The following BTBD18 variants were observed in gnomAD, a reference collection of about 807,000 sequenced individuals.
BTBD18 encodes BTB/POZ domain-containing protein 18.
For missense variants in BTBD18, 787 were observed against 846.3 expected, an observed-to-expected ratio of 0.93 and a Z score of 0.87; for synonymous variants, 311 against 324.4, an observed-to-expected ratio of 0.96 and a Z score of 0.44.
At chr11:57,751,274 A>C (rs1437833361) in intron 1 of BTBD18, 38 bp from the exon 2 acceptor site, 4 of 1,139,618 alleles carry the variant, frequency 3.5e-6, no homozygotes, top group Admixed American at 4.0e-5. Context: ...GCATGGTTAC[A>C]TCTAATTTGT....
In BTBD18 at chr11:57,751,176, C is replaced by A. The variant is rs1479721700; in HGVS notation, c.13G>T (p.Ala5Ser). 1 of 1,541,728 alleles carries A rather than the reference C, an allele frequency of 6.5e-7. No homozygotes were observed. The highest frequency in any genetic ancestry group is 2.5e-5 in the East Asian group (1 of 40,518). Residue 5 changes from alanine to serine, a missense_variant, in exon 2 of 3, where the codon GCC becomes TCC. Coordinates refer to ENST00000422652, the MANE Select transcript of BTBD18 (RefSeq NM_001145101.3). MCSP[A>S]SPKILYRNPR... The stretch of plus-strand genomic sequence containing the variant: ...TTCCTGTATAGGATTTTGGGACTGG[C>A]AGGAGAGCACATGTTGGCAAGAGTC...
chr11:57,744,615 T>C lies in BTBD18; in HGVS notation c.1658A>G (p.Glu553Gly), dbSNP rs1219373480. The change falls in exon 3 of 3, where the codon GAG becomes GGG. Residue 553 changes from glutamate to glycine, a missense_variant. Glu to Gly is a moderately conservative substitution (Grantham distance 98). Transcript: ENST00000422652. ...CLPDMELWPR[E>G]LTELEKEPAG... ...AGGTTCCTTTTCCAATTCTGTGAGCTCCCTGGGCCAGAGTTCCATGTCTGG... is the reference window on the plus strand; with the variant it reads ...AGGTTCCTTTTCCAATTCTGTGAGCCCCCTGGGCCAGAGTTCCATGTCTGG... 4 of 1,551,668 alleles carry C rather than the reference T, an allele frequency of 2.6e-6. No individual in the cohort carries two copies. Among genetic ancestry groups the C allele is most frequent in the Admixed American group, 2.0e-5 (1 of 51,000 alleles).
chr11:57,744,612 A>C lies in BTBD18; in HGVS notation c.1661T>G (p.Leu554Arg). The C allele has an allele frequency of 6.4e-7, 1 of 1,551,580 alleles. No homozygotes were observed. Among genetic ancestry groups the C allele is most frequent in the Non-Finnish European group, 8.7e-7 (1 of 1,146,974 alleles). ...LPDMELWPRE[L>R]TELEKEPAGE... The stretch of plus-strand genomic sequence containing the variant: ...AGCAGGTTCCTTTTCCAATTCTGTG[A>C]GCTCCCTGGGCCAGAGTTCCATGTC... Residue 554 changes from leucine (L) to arginine (R), a missense_variant, in exon 3 of 3, where the codon CTC (leucine) becomes CGC (arginine). Physicochemically the swap from Leu to Arg is moderately radical, Grantham distance 102 (BLOSUM62 -2). Transcript: ENST00000422652.
chr11:57,746,265 C>A, intron 2 of BTBD18, 117 bp from the exon 3 acceptor site: 3 of 769,934 alleles, frequency 3.9e-6, no homozygotes, highest in Non-Finnish European at 5.9e-6. Flanking sequence ...CATGGGACTT[C>A]AAGTAAAAGA....
chr11:57,749,757 A>G (rs891909668), intron 2 of BTBD18, among the ~76,000 whole-genome samples: 14 of 150,982 alleles, frequency 9.3e-5, no homozygotes, highest in South Asian at 2.1e-4. Context: ...AAAAAAAAAA[A>G]AAAAAAAAAA....
rs1189607583 is a variant in BTBD18 at position 57,744,530 on chromosome 11, C to T, written c.1743G>A (p.Val581=). The change falls in exon 3 of 3, where the codon GTG becomes GTA. Residue 581 remains valine (V), a synonymous_variant. Coordinates refer to ENST00000422652, the MANE Select transcript of BTBD18 (RefSeq NM_001145101.3). ...LLSPLVMPSE[V]SEVLSVGGRW... ...GGCCTCCTACTGAAAGCACTTCACT[C>T]ACCTCAGAGGGCATGACAAGGGGGC... 4 of 1,551,646 alleles carry T rather than the reference C, an allele frequency of 2.6e-6. No individual in the cohort carries two copies. Among genetic ancestry groups the T allele is most frequent in the Non-Finnish European group, 2.6e-6 (3 of 1,146,956 alleles).
chr11:57,745,061 A>G lies in BTBD18; in HGVS notation c.1212T>C (p.Ser404=), dbSNP rs114054442. 2,279 of 1,551,650 alleles carry G rather than the reference A, an allele frequency of 1.5e-3. 46 individuals are homozygous for G. In the African/African-American group the frequency reaches 0.027, roughly 19 times the overall value. Residue 404 remains serine (S), a synonymous_variant, in exon 3 of 3, where the codon AGT becomes AGC. Coordinates refer to ENST00000422652, the MANE Select transcript of BTBD18 (RefSeq NM_001145101.3). ...QEPSGTQPFS[S]NEQEMSPTRT... ...TAGTAGGTGACATTTCCTGCTCATT[A>G]CTGGAGAATGGCTGAGTTCCTGAAG...
At chr11:57,746,609 C>T (rs1172900505) in intron 2 of BTBD18, among the ~76,000 whole-genome samples, 1 of 152,098 alleles carries the variant, frequency 6.6e-6, no homozygotes, top group Non-Finnish European at 1.5e-5. Context: ...CAGGCGTGAG[C>T]CACCGTGTCC....
intron 2 of BTBD18, 52 bp from the exon 3 acceptor site, chr11:57,746,200 G>A: frequency 7.1e-7 from 1 of 1,402,942 alleles, no homozygotes; most frequent in East Asian, 2.5e-5. Flanking sequence ...CATGTTCATG[G>A]GCTAAGCATA....
Position 57,745,412 on chromosome 11 carries a change from G to T in BTBD18, c.861C>A (p.Ser287Arg). ...GCCGGCCAGGGGTTGCAGGCACTGA[G>T]CTAGATCCACTTAAAATGCTGGAAG... ...SKPSSILSGSSSVPATPGRRL... is the reference protein window; with the variant it reads ...SKPSSILSGSRSVPATPGRRL... Residue 287 changes from serine (S) to arginine (R), a missense_variant, in exon 3 of 3, where the codon AGC becomes AGA. Transcript: ENST00000422652. 1 of 1,551,696 alleles carries T rather than the reference G, an allele frequency of 6.4e-7. No homozygotes were observed. The highest frequency in any genetic ancestry group is 8.7e-7 in the Non-Finnish European group (1 of 1,146,992).
rs117734748 is a variant in BTBD18 at position 57,744,029 on chromosome 11, C to T, written c.*105G>A. 12,509 of 822,992 alleles carry T rather than the reference C, an allele frequency of 0.015. 131 individuals are homozygous for T. Among genetic ancestry groups the T allele is most frequent in the Non-Finnish European group, 0.019 (10,220 of 527,852 alleles). 51.0% of individuals were successfully genotyped at this position (822,992 alleles called of 1,614,324 possible). On this transcript the variant is annotated 3_prime_UTR_variant, in exon 3 of 3. Coordinates refer to ENST00000422652, the MANE Select transcript of BTBD18 (RefSeq NM_001145101.3). ...GGACCTACAAAGAGCCAGGGTACAC[C>T]TGCCTCTTGTGCTGAGGGCACGTGC... is the stretch of plus-strand genomic sequence containing the variant.
Position 57,751,149 on chromosome 11 carries a change from G to T in BTBD18, c.40C>A (p.Pro14Thr). 1 of 1,550,226 alleles carries T rather than the reference G, an allele frequency of 6.5e-7. No homozygotes were observed. Residue 14 changes from proline (P) to threonine (T), a missense_variant, in exon 2 of 3, where the codon CCC becomes ACC. Transcript: ENST00000422652. Reference sequence around the variant, plus strand: ...AGAAAAGCTAACCTGAGGAACCGGGGGTTCCTGTATAGGATTTTGGGACTG... The same window carrying T: ...AGAAAAGCTAACCTGAGGAACCGGGTGTTCCTGTATAGGATTTTGGGACTG... ...PASPKILYRN[P>T]RFLRLAFLQL...
At position 57,745,439 on chromosome 11, in the gene BTBD18, C is replaced by T. The variant is rs1949171259; in HGVS notation, c.834G>A (p.Lys278=). The change falls in exon 3 of 3, where the codon AAG becomes AAA. Residue 278 remains lysine, a synonymous_variant. Coordinates refer to ENST00000422652, the MANE Select transcript of BTBD18 (RefSeq NM_001145101.3). ...TAGATCCACTTAAAATGCTGGAAGG[C>T]TTTGATGTACAGATACCAGGAGATG... The part of the protein sequence containing the change: ...SKPSPGICTS[K]PSSILSGSSS... 2 of 1,551,346 alleles carry T rather than the reference C, an allele frequency of 1.3e-6. No individual in the cohort carries two copies. The highest frequency in any genetic ancestry group is 1.7e-6 in the Non-Finnish European group (2 of 1,146,996).
chr11:57,752,086 C>A (rs1465669973), upstream of BTBD18, among the ~76,000 whole-genome samples: 4 of 152,206 alleles, frequency 2.6e-5, no homozygotes, highest in African/African-American at 9.6e-5. Flanking sequence ...ATTCTGACTT[C>A]AGGCTTATGT....
In BTBD18 at chr11:57,745,757, A is replaced by T. The variant is rs1216199761; in HGVS notation, c.516T>A (p.Thr172=). The T allele has an allele frequency of 1.9e-6, 3 of 1,551,204 alleles. No individual in the cohort carries two copies. The African/African-American group carries it at 4.1e-5, about 21-fold the overall frequency. ...HPHTPLPTNQ[T]PCPLGAIRLK... ...ATCTTATTGCCCCAAGAGGACAAGG[A>T]GTTTGATTAGTGGGCAGTGGGGTGT... is the stretch of plus-strand genomic sequence containing the variant. Residue 172 remains threonine, a synonymous_variant, in exon 3 of 3, where the codon ACT becomes ACA. Coordinates refer to ENST00000422652, the MANE Select transcript of BTBD18 (RefSeq NM_001145101.3).
In BTBD18 at chr11:57,745,130, TTGAG is replaced by T; in HGVS notation, c.1139_1142del (p.Thr380LysfsTer62). On this transcript the variant is annotated frameshift_variant, in exon 3 of 3. Coordinates refer to ENST00000422652, the MANE Select transcript of BTBD18 (RefSeq NM_001145101.3). LOFTEE classifies it low-confidence loss of function (END_TRUNC). ...CGGGATCTGGGATCTGGGGGCTATC[TTGAG>T]TGTTTTTGAGAGGAGTCTCTTGTAC... The T allele has an allele frequency of 6.4e-7, 1 of 1,551,720 alleles. No homozygotes were observed. The highest frequency in any genetic ancestry group is 8.7e-7 in the Non-Finnish European group (1 of 1,146,998).
chr11:57,749,504 T>C (rs1463259447), intron 2 of BTBD18, among the ~76,000 whole-genome samples: 2 of 152,038 alleles, frequency 1.3e-5, no homozygotes, highest in Non-Finnish European at 2.9e-5. Flanking sequence ...ATCCCAGCAC[T>C]TTGAGAGGCC....
chr11:57,744,560 G>A lies in BTBD18; in HGVS notation c.1713C>T (p.Leu571=). ...CAGAGGGCATGACAAGGGGGCTAAGGAGCTCAGTTGGCCCTCTGTTCTCAC... is the reference window on the plus strand; with the variant it reads ...CAGAGGGCATGACAAGGGGGCTAAGAAGCTCAGTTGGCCCTCTGTTCTCAC... ...PAGENRGPTE[L]LSPLVMPSEV... is the part of the protein sequence containing the mutation. Residue 571 remains leucine, a synonymous_variant, in exon 3 of 3, where the codon CTC becomes CTT. Coordinates refer to ENST00000422652, the MANE Select transcript of BTBD18 (RefSeq NM_001145101.3). The A allele has an allele frequency of 6.4e-7, 1 of 1,551,674 alleles. No homozygotes were observed. Among genetic ancestry groups the A allele is most frequent in the Non-Finnish European group, 8.7e-7 (1 of 1,146,984 alleles).
Position 57,744,759 on chromosome 11 carries a change from G to A in BTBD18, c.1514C>T (p.Ser505Leu). 2 of 1,551,716 alleles carry A rather than the reference G, an allele frequency of 1.3e-6. No homozygotes were observed. The highest frequency in any genetic ancestry group is 1.7e-6 in the Non-Finnish European group (2 of 1,147,010). Residue 505 changes from serine to leucine, a missense_variant, in exon 3 of 3, where the codon TCA (serine) becomes TTA (leucine). Ser to Leu is a moderately radical substitution (Grantham distance 145, BLOSUM62 -2). Coordinates refer to ENST00000422652, the MANE Select transcript of BTBD18 (RefSeq NM_001145101.3). ...EEILDFMLCGSDIEPPIGSLE... is the reference protein window; with the variant it reads ...EEILDFMLCGLDIEPPIGSLE... ...AGACCCTATAGGTGGTTCAATGTCT[G>A]AGCCACAGAGCATGAAGTCCAGGAT...
Sources: allele counts gnomAD v4.1 joint callset (sites outside exome capture counted in the v4.1 genomes callset), GRCh38; gene constraint gnomAD v4.1.1; transcripts MANE v1.5; gene names NCBI Gene and HGNC (gene_info 2026-07-23, HGNC 2026-07-21).